Variants in ACTR1B observed in about 807,000 individuals in gnomAD.
ACTR1B encodes the protein beta-centractin.
In ACTR1B, 34 loss-of-function variants were observed where a neutral mutation model predicts 49.4. The ratio of observed to expected loss-of-function variants is 0.69; its 90% CI spans 0.52 to 0.92. The LOEUF is 0.92. Among genes scored for constraint, ACTR1B ranks in the 40% least tolerant of loss-of-function variants. The pLI is 0.00. For missense variants in ACTR1B, 471 were observed against 522.4 expected, an observed-to-expected ratio of 0.90 and a Z score of 0.96; for synonymous variants, 207 against 207.8, an observed-to-expected ratio of 1.00 and a Z score of 0.03.
At position 97,658,209 on chromosome 2, in the gene ACTR1B, G is replaced by A. The variant is rs951391155; in HGVS notation, c.750+15C>T. On this transcript the variant is annotated intron_variant, in intron 7 of 10. Transcript: ENST00000289228. The surrounding 1 kb of genome is among the most constrained non-coding windows in gnomAD (Gnocchi z 5.9). ...GGCATCGGCTGCCACTCCAGTGCCA[G>A]GCCCGGCCACTTACATCAAGCGTGC... 5.6e-6 allele frequency: 9 copies of A among 1,613,838 alleles called. No individual in the cohort carries two copies. Among genetic ancestry groups the A allele is most frequent in the African/African-American group, 5.3e-5 (4 of 74,936 alleles).
Position 97,658,474 on chromosome 2 carries a change from C to G in ACTR1B, c.610G>C (p.Asp204His). The change falls in exon 6 of 11, where the codon GAC (aspartate) becomes CAC (histidine). Residue 204 changes from aspartate (D) to histidine (H), a missense_variant. Transcript: ENST00000289228. This position sits in a 1 kb window ranked among gnomAD's most constrained non-coding sequence, Gnocchi z 5.9. ...LRLLLRKEGV[D>H]FHTSAEFEVV... is the part of the protein sequence containing the mutation. ...TCAAACTCAGCCGAGGTATGGAAGT[C>G]AACCCCTTCCTTGCGCAGCAGGAGT... The G allele has an allele frequency of 6.2e-7, 1 of 1,614,188 alleles. No individual in the cohort carries two copies. Among genetic ancestry groups the G allele is most frequent in the African/African-American group, 1.3e-5 (1 of 75,048 alleles).
intron 8 of ACTR1B, among the ~76,000 whole-genome samples, chr2:97,657,711 G>A (rs1674881009): frequency 6.6e-6 from 1 of 152,226 alleles, no homozygotes; most frequent in Admixed American, 6.5e-5. Context: ...GTGAGATGAA[G>A]CCGCACATGC....
Position 97,659,561 on chromosome 2 carries a change from CCCTG to C in ACTR1B, c.190-88_190-85del. On this transcript the variant is annotated intron_variant, in intron 3 of 10. Transcript: ENST00000289228. The surrounding 1 kb of genome is among the most constrained non-coding windows in gnomAD (Gnocchi z 4.0). ...CCTCCTGGAAGCTGACCCTCACCTGCCCTGACCAGAACCTCACCTGCCCTGACCA... is the reference window on the plus strand; with the variant it reads ...CCTCCTGGAAGCTGACCCTCACCTGCACCAGAACCTCACCTGCCCTGACCA... 8.6e-6 allele frequency: 3 copies of C among 348,286 alleles called. No homozygotes were observed. Among genetic ancestry groups the C allele is most frequent in the South Asian group, 1.8e-5 (1 of 55,040 alleles). 21.6% of individuals were successfully genotyped at this position (348,286 alleles called of 1,614,324 possible).
At chr2:97,657,613 C>G in intron 8 of ACTR1B, 104 bp from the exon 9 acceptor site, 1 of 1,197,420 alleles carries the variant, frequency 8.4e-7, no homozygotes, top group Non-Finnish European at 1.2e-6. Flanking sequence ...GGTCCTCTAT[C>G]AGCAGCTCTT....
chr2:97,659,534 G>A lies in ACTR1B; in HGVS notation c.190-57C>T, dbSNP rs1163016031. The A allele has an allele frequency of 8.1e-6, 13 of 1,601,550 alleles. No homozygotes were observed. Among genetic ancestry groups the A allele is most frequent in the South Asian group, 1.1e-5 (1 of 90,660 alleles). ...GGCCCTTGCTCAGCGGCTGCTTTCC[G>A]CCCTCCTGGAAGCTGACCCTCACCT... On this transcript the variant is annotated intron_variant, in intron 3 of 10. Transcript: ENST00000289228. This position sits in a 1 kb window ranked among gnomAD's most constrained non-coding sequence, Gnocchi z 4.0.
chr2:97,656,713 A>AG lies in ACTR1B; in HGVS notation c.*144dup, dbSNP rs958904419. 4 of 657,272 alleles carry AG rather than the reference A, an allele frequency of 6.1e-6. No homozygotes were observed. The highest frequency in any genetic ancestry group is 1.1e-5 in the Non-Finnish European group (4 of 368,190). 40.7% of individuals were successfully genotyped at this position (657,272 alleles called of 1,614,324 possible). On this transcript the variant is annotated 3_prime_UTR_variant, in exon 11 of 11. Transcript: ENST00000289228. ...TGTCCTGTGTAGAGGGGAAGGCTGC[A>AG]GGGGGGCACTGCTGTGCCACCCACC...
In ACTR1B at chr2:97,659,673, A is replaced by T. The variant is rs952783307; in HGVS notation, c.190-196T>A. Reference sequence around the variant, plus strand: ...GGGCTCACCTGCCCACCAGCTTCTTAGGCTCTTAGAGCCCAGCTAGCTTCA... The same window carrying T: ...GGGCTCACCTGCCCACCAGCTTCTTTGGCTCTTAGAGCCCAGCTAGCTTCA... On this transcript the variant is annotated intron_variant, in intron 3 of 10. Transcript: ENST00000289228. The surrounding 1 kb of genome is among the most constrained non-coding windows in gnomAD (Gnocchi z 4.0). The T allele has an allele frequency of 2.8e-6, 2 of 706,618 alleles. No individual in the cohort carries two copies. Among genetic ancestry groups the T allele is most frequent in the Non-Finnish European group, 4.6e-6 (2 of 433,678 alleles). The allele number at this position is 706,618 out of a possible 1,614,324, so 43.8% of individuals were successfully genotyped here.
chr2:97,658,947 C>T lies in ACTR1B; in HGVS notation c.372G>A (p.Ala124=), dbSNP rs200948194. The change falls in exon 5 of 11, where the codon GCG becomes GCA. Residue 124 remains alanine, a synonymous_variant. Transcript: ENST00000289228. The surrounding 1 kb of genome is among the most constrained non-coding windows in gnomAD (Gnocchi z 5.9). ...TGAAGGTCTCAAAGAACACCTCTGC[C>T]GCCTTCTCCCGGTTCTTACTCGGGT... ...PLNPSKNREK[A]AEVFFETFNV... 9.9e-6 allele frequency: 16 copies of T among 1,614,044 alleles called. No individual in the cohort carries two copies. The Admixed American group carries it at 1.3e-4, about 13-fold the overall frequency.
At position 97,657,507 on chromosome 2, in the gene ACTR1B, A is replaced by G. The variant is rs764387233; in HGVS notation, c.928T>C (p.Phe310Leu). 6.8e-6 allele frequency: 11 copies of G among 1,614,194 alleles called. No individual in the cohort carries two copies. The highest frequency in any genetic ancestry group is 1.7e-5 in the Admixed American group (1 of 60,034). Residue 310 changes from phenylalanine (F) to leucine (L), a missense_variant and splice_region_variant, in exon 9 of 11, where the codon TTC (phenylalanine) becomes CTC (leucine). Transcript: ENST00000289228. The stretch of plus-strand genomic sequence containing the variant: ...ACTTCACTGAGTAATCGGTCTCCGA[A>G]GCCTGTGAACACAAAGCTGGCTGAG... ...LSGGSTLFKG[F>L]GDRLLSEVKK...
Position 97,658,496 on chromosome 2 carries a change from G to T in ACTR1B, c.588C>A (p.Leu196=), listed in dbSNP as rs1397511838. ...AGTCAACCCCTTCCTTGCGCAGCAGGAGTCGGAGGTAGCGGGAGACGTCGC... is the reference window on the plus strand; with the variant it reads ...AGTCAACCCCTTCCTTGCGCAGCAGTAGTCGGAGGTAGCGGGAGACGTCGC... ...AGRDVSRYLR[L]LLRKEGVDFH... Residue 196 remains leucine, a synonymous_variant, in exon 6 of 11, where the codon CTC becomes CTA. Transcript: ENST00000289228. This position sits in a 1 kb window ranked among gnomAD's most constrained non-coding sequence, Gnocchi z 5.9. 6.2e-7 allele frequency: 1 copy of T among 1,614,060 alleles called. No homozygotes were observed. The highest frequency in any genetic ancestry group is 1.3e-5 in the African/African-American group (1 of 74,928).
chr2:97,657,368 T>G (rs1330250351), intron 9 of ACTR1B, 80 bp downstream of exon 9: 18 of 1,538,290 alleles, frequency 1.2e-5, no homozygotes, highest in Non-Finnish European at 1.5e-5. Flanking sequence ...TGAGCGGGTC[T>G]GGGGGCAGCA....
rs1674850097 is a variant in ACTR1B at position 97,656,650 on chromosome 2, G to A, written c.*208C>T. 3 of 564,614 alleles carry A rather than the reference G, an allele frequency of 5.3e-6. No individual in the cohort carries two copies. The highest frequency in any genetic ancestry group is 9.5e-6 in the Non-Finnish European group (3 of 316,350). 35.0% of individuals were successfully genotyped at this position (564,614 alleles called of 1,614,324 possible). On this transcript the variant is annotated 3_prime_UTR_variant, in exon 11 of 11. Transcript: ENST00000289228. ...CTCAATTCCCACACGCCAGCTCAAG[G>A]CTCCTGTCCATGCAGCTCAATGTTA... is the stretch of plus-strand genomic sequence containing the variant.
chr2:97,663,760 G>A (rs991518464), intron 1 of ACTR1B, 83 bp downstream of exon 1: 12 of 901,360 alleles, frequency 1.3e-5, no homozygotes, highest in Non-Finnish European at 1.6e-5. Context: ...GACGCGCCGA[G>A]GCGGGCGGGG....
In ACTR1B at chr2:97,663,937, C is replaced by G. The variant is rs112904064; in HGVS notation, c.-47G>C. The G allele has an allele frequency of 3.2e-3, 2,145 of 660,384 alleles. 46 individuals are homozygous for G. In the African/African-American group the frequency reaches 0.036, roughly 11 times the overall value. 40.9% of individuals were successfully genotyped at this position (660,384 alleles called of 1,614,324 possible). ...CCCAGCAGGCGGGCTGCAGGAGGCA[C>G]CGGATGGGCGGGCGGGCGGGAGGAC... On this transcript the variant is annotated 5_prime_UTR_variant, in exon 1 of 11. Coordinates refer to ENST00000289228, the MANE Select transcript of ACTR1B (RefSeq NM_005735.4).
rs1674988867 is a variant in ACTR1B at position 97,660,689 on chromosome 2, G to A, written c.114-43C>T. 6.3e-6 allele frequency: 10 copies of A among 1,588,284 alleles called. No homozygotes were observed. In the East Asian group the frequency reaches 6.7e-5, roughly 11 times the overall value. On this transcript the variant is annotated intron_variant, in intron 2 of 10. Coordinates refer to ENST00000289228, the MANE Select transcript of ACTR1B (RefSeq NM_005735.4). ...GTCAGCAAGGTGGGCAGGGAGCATG[G>A]CAGAGCTTGTGTCCAGAAAAACCGA...
At chr2:97,662,391 CCT>C (rs1675039733) in intron 1 of ACTR1B, among the ~76,000 whole-genome samples, 1 of 151,990 alleles carries the variant, frequency 6.6e-6, no homozygotes, top group Admixed American at 6.6e-5. Context: ...AGAAGAAACC[CCT>C]CTGTGTGGGT....
chr2:97,663,426 T>G (rs753145640), intron 1 of ACTR1B, among the ~76,000 whole-genome samples: 4 of 152,116 alleles, frequency 2.6e-5, no homozygotes, highest in Non-Finnish European at 4.4e-5. Context: ...AAGCCAGCAG[T>G]GTGCAAATGA....
At chr2:97,663,692 G>A (rs996325168) in intron 1 of ACTR1B, 151 bp downstream of exon 1, 4 of 238,930 alleles carry the variant, frequency 1.7e-5, no homozygotes, top group African/African-American at 4.7e-5. Context: ...AAGAGGGCGC[G>A]CGCCCCCGGG....
In ACTR1B at chr2:97,657,519, C is replaced by G; in HGVS notation, c.926-10G>C. On this transcript the variant is annotated splice_polypyrimidine_tract_variant and intron_variant, in intron 8 of 10. Transcript: ENST00000289228. ...AATCGGTCTCCGAAGCCTGTGAACACAAAGCTGGCTGAGCCTGGGGTCTGC... is the reference window on the plus strand; with the variant it reads ...AATCGGTCTCCGAAGCCTGTGAACAGAAAGCTGGCTGAGCCTGGGGTCTGC... 6.2e-7 allele frequency: 1 copy of G among 1,614,192 alleles called. No individual in the cohort carries two copies. The highest frequency in any genetic ancestry group is 8.5e-7 in the Non-Finnish European group (1 of 1,180,018).
Sources: allele counts gnomAD v4.1 joint callset (sites outside exome capture counted in the v4.1 genomes callset), GRCh38; gene constraint gnomAD v4.1.1; non-coding constraint Gnocchi (gnomAD v3.1); transcripts MANE v1.5; gene names NCBI Gene and HGNC (gene_info 2026-07-23, HGNC 2026-07-21).